The following LSM14A variants were observed in gnomAD, a reference collection of about 807,000 sequenced individuals.
LSM14A encodes LSM14A mRNA processing body assembly factor, also known as protein LSM14 homolog A.
Under a neutral mutation model 52.4 loss-of-function variants are expected in LSM14A, and 14 were observed. That is an observed-to-expected ratio of 0.27 (90% CI 0.18 to 0.42). The LOEUF (loss-of-function observed/expected upper bound fraction) is 0.42, where lower values mean the gene tolerates loss of function less well. Among genes scored for constraint, LSM14A ranks in the 10% least tolerant of loss-of-function variants. The pLI is 1.00. For missense variants in LSM14A, 417 were observed against 581.8 expected, an observed-to-expected ratio of 0.72 and a Z score of 2.91; for synonymous variants, 185 against 200.3, an observed-to-expected ratio of 0.92 and a Z score of 0.64.
At chr19:34,216,726 G>T (rs1290565529) in intron 6 of LSM14A, among the ~76,000 whole-genome samples, 1 of 152,084 alleles carries the variant, frequency 6.6e-6, no homozygotes, top group African/African-American at 2.4e-5. Context: ...CCGAAGTATT[G>T]GGATTATAGG....
At chr19:34,213,316 C>A (rs910939210) in intron 4 of LSM14A, among the ~76,000 whole-genome samples, 8 of 152,110 alleles carry the variant, frequency 5.3e-5, no homozygotes, top group Non-Finnish European at 1.2e-4. Flanking sequence ...TAGATTGTGC[C>A]TGTGTCGGTT....
chr19:34,193,516 T>C (rs1440150519), intron 1 of LSM14A, among the ~76,000 whole-genome samples: 1 of 152,196 alleles, frequency 6.6e-6, no homozygotes, highest in Admixed American at 6.5e-5. Context: ...AAAGATTCGG[T>C]AGAAATCTTT....
At chr19:34,180,593 C>A (rs2069408073) in intron 1 of LSM14A, among the ~76,000 whole-genome samples, 1 of 152,156 alleles carries the variant, frequency 6.6e-6, no homozygotes, top group Non-Finnish European at 1.5e-5. Flanking sequence ...TCTAGTAGCC[C>A]AACTCAGTCA....
intron 1 of LSM14A, among the ~76,000 whole-genome samples, chr19:34,183,837 T>C (rs1020015407): frequency 5.3e-5 from 8 of 152,240 alleles, no homozygotes; most frequent in Admixed American, 1.3e-4. Flanking sequence ...GTTTAACTTA[T>C]TAACTTTTAA....
At chr19:34,197,289 C>T (rs530485748) in intron 3 of LSM14A, among the ~76,000 whole-genome samples, 43 of 152,184 alleles carry the variant, frequency 2.8e-4, no homozygotes, top group African/African-American at 1.0e-3. Flanking sequence ...TGGAGTTTCA[C>T]TGTGTTGGCC....
rs1194783199 is a variant in LSM14A, at chr19:34,219,482, A to G, written c.873A>G (p.Lys291=). ...RFGIRRDGPM[K]FEKDFDFESA... is the part of the protein sequence containing the mutation. The stretch of plus-strand genomic sequence containing the variant: ...GTATTCGGCGAGATGGGCCAATGAA[A>G]TTTGAGAAAGACTTTGACTTTGAAA... The change falls in exon 7 of 10, where the codon AAA becomes AAG. Residue 291 remains lysine (K), a synonymous_variant. Transcript: ENST00000544216. 6.2e-7 allele frequency: 1 copy of G among 1,613,974 alleles called. No homozygotes were observed. The highest frequency in any genetic ancestry group is 8.5e-7 in the Non-Finnish European group (1 of 1,180,014).
chr19:34,202,900 G>A (rs923200010), intron 3 of LSM14A, among the ~76,000 whole-genome samples: 10 of 152,158 alleles, frequency 6.6e-5, no homozygotes, highest in East Asian at 3.9e-4. Flanking sequence ...CTCGTGATCC[G>A]CCCGCCTCGG....
At chr19:34,183,598 G>A (rs1258591102) in intron 1 of LSM14A, among the ~76,000 whole-genome samples, 1 of 151,980 alleles carries the variant, frequency 6.6e-6, no homozygotes, top group Non-Finnish European at 1.5e-5. Flanking sequence ...AAACAGATTT[G>A]GAAAGGAGAC....
chr19:34,211,564 A>G (rs1292778270), intron 4 of LSM14A, among the ~76,000 whole-genome samples: 4 of 152,168 alleles, frequency 2.6e-5, no homozygotes, highest in Non-Finnish European at 4.4e-5. Flanking sequence ...AGCCAGGATG[A>G]TCACTTGAGC....
intron 9 of LSM14A, among the ~76,000 whole-genome samples, chr19:34,225,582 A>G (rs1473255821): frequency 6.6e-6 from 1 of 152,204 alleles, no homozygotes; most frequent in Non-Finnish European, 1.5e-5. Context: ...AAACATGGGT[A>G]AAGATAAAAT....
intron 3 of LSM14A, among the ~76,000 whole-genome samples, chr19:34,201,208 T>C (rs925006176): frequency 7.2e-5 from 11 of 152,368 alleles, no homozygotes; most frequent in African/African-American, 2.6e-4. Flanking sequence ...TTTTGATTAA[T>C]TGATTTCCAT....
chr19:34,183,927 C>G (rs1346570549), intron 1 of LSM14A, among the ~76,000 whole-genome samples: 3 of 152,158 alleles, frequency 2.0e-5, no homozygotes, highest in Non-Finnish European at 4.4e-5. Context: ...GTATCCATCA[C>G]CACAGTCCAG....
At chr19:34,226,383 T>C (rs1018528520) in intron 9 of LSM14A, 1 of 1,463,242 alleles carries the variant, frequency 6.8e-7, no homozygotes, top group Middle Eastern at 2.3e-4. Flanking sequence ...CTCTTTTTTT[T>C]TTTTTTTTTT....
chr19:34,215,008 A>G (rs1350916882), intron 4 of LSM14A, 116 bp from the exon 5 acceptor site: 7 of 704,042 alleles, frequency 9.9e-6, no homozygotes, highest in Non-Finnish European at 1.6e-5. Context: ...GATTAATTCA[A>G]ATTTGTGCTA....
At chr19:34,181,750 C>T (rs954247565) in intron 1 of LSM14A, among the ~76,000 whole-genome samples, 1 of 152,114 alleles carries the variant, frequency 6.6e-6, no homozygotes, top group Non-Finnish European at 1.5e-5. Flanking sequence ...TGATCTCATC[C>T]ATCTAGTTCC....
chr19:34,187,805 G>C (rs371167703), intron 1 of LSM14A, among the ~76,000 whole-genome samples: 53 of 151,978 alleles, frequency 3.5e-4, no homozygotes, highest in African/African-American at 1.3e-3. Context: ...TTTGGCATTA[G>C]GATGATGTTT....
chr19:34,192,812 TA>T (rs535601046), intron 1 of LSM14A, among the ~76,000 whole-genome samples: 2 of 149,362 alleles, frequency 1.3e-5, no homozygotes, highest in Non-Finnish European at 1.5e-5. Context: ...CCATCTCCGC[TA>T]AAAAAAAATA....
intron 4 of LSM14A, among the ~76,000 whole-genome samples, chr19:34,214,483 A>G (rs1483921145): frequency 2.6e-5 from 4 of 151,066 alleles, no homozygotes; most frequent in Non-Finnish European, 5.9e-5. Context: ...TAATTTTTGT[A>G]TTTTCAGTAG....
rs141926386 is a variant in LSM14A at position 34,187,092 on chromosome 19, A to G, written c.122-7386A>G. 4.3e-3 allele frequency among the ~76,000 whole-genome samples: 635 copies of G among 146,346 alleles called. 9 individuals carry two copies. The highest frequency in any genetic ancestry group is 0.015 in the African/African-American group (582 of 39,684). On this transcript the variant is annotated intron_variant, in intron 1 of 9. Transcript: ENST00000544216. ...GTCTCTAATTTAAAAAAAAAAAAATACAAACATTAGCCTGGGCGTAGTGGT... is the reference window on the plus strand; with the variant it reads ...GTCTCTAATTTAAAAAAAAAAAAATGCAAACATTAGCCTGGGCGTAGTGGT...
Sources: allele counts gnomAD v4.1 joint callset (sites outside exome capture counted in the v4.1 genomes callset), GRCh38; gene constraint gnomAD v4.1.1; transcripts MANE v1.5; gene names NCBI Gene and HGNC (gene_info 2026-07-23, HGNC 2026-07-21).